The following SORCS2 variants were observed in gnomAD, a reference collection of about 807,000 sequenced individuals.
SORCS2 encodes sortilin related VPS10 domain containing receptor 2.
A neutral mutation model predicts 141.6 loss-of-function variants in SORCS2; 100 were observed. That is an observed-to-expected ratio of 0.71 (90% confidence interval 0.60 to 0.83). The LOEUF is 0.83. Ranked by LOEUF, SORCS2 falls within the 40% of genes least tolerant of loss-of-function variation. The pLI is 0.00. For synonymous variants in SORCS2, 789 were observed against 676.9 expected (o/e 1.17, Z -2.57); for missense variants, 1,646 against 1,560.2 (o/e 1.05, Z -0.93).
Position 7,727,020 on chromosome 4 carries a change from G to T in SORCS2, c.2869+117G>T, listed in dbSNP as rs566743511. The T allele has an allele frequency of 4.4e-5, 58 of 1,324,538 alleles. 2 individuals are homozygous for T. The South Asian group carries it at 7.9e-4, about 18-fold the overall frequency. The allele number at this position is 1,324,538 out of a possible 1,614,324, so 82.0% of individuals were successfully genotyped here. ...TCCTGGTCACCCTGAGTGGCCCTGG[G>T]GTGGGGAGGGAGGGGCTGGATAAAC... On this transcript the variant is annotated intron_variant, in intron 21 of 26. Transcript: ENST00000507866.
chr4:7,400,013 A>G (rs999393940), intron 2 of SORCS2, among the ~76,000 whole-genome samples: 1 of 152,100 alleles, frequency 6.6e-6, no homozygotes, highest in African/African-American at 2.4e-5. Flanking sequence ...CAAGCTCCCG[A>G]GTGCTGCCCA....
At chr4:7,321,423 G>A (rs1718886386) in intron 1 of SORCS2, among the ~76,000 whole-genome samples, 2 of 151,994 alleles carry the variant, frequency 1.3e-5, no homozygotes, top group Admixed American at 1.3e-4. Context: ...ATTCAGTGAA[G>A]TCTCAGGTTA....
At chr4:7,398,045 A>G (rs9997796) in intron 2 of SORCS2, among the ~76,000 whole-genome samples, 28,278 of 152,102 alleles carry the variant, frequency 0.19, 2,902 homozygotes, top group Non-Finnish European at 0.23. Flanking sequence ...TGTGGAGGCA[A>G]TGAGACTGTG....
At chr4:7,236,657 C>T (rs182769420) in intron 1 of SORCS2, among the ~76,000 whole-genome samples, 1 of 152,200 alleles carries the variant, frequency 6.6e-6, no homozygotes, top group African/African-American at 2.4e-5. Flanking sequence ...TCTCGGCTCA[C>T]TACAACTTCT....
chr4:7,683,683 C>T (rs1267709076), intron 10 of SORCS2, among the ~76,000 whole-genome samples: 6 of 152,170 alleles, frequency 3.9e-5, no homozygotes, highest in African/African-American at 1.4e-4. Flanking sequence ...TTCTAATCTG[C>T]CATGGAGGGC....
chr4:7,290,156 G>A (rs565090565), intron 1 of SORCS2, among the ~76,000 whole-genome samples: 1 of 152,304 alleles, frequency 6.6e-6, no homozygotes, highest in East Asian at 1.9e-4. Context: ...GGGGAGGTGG[G>A]TTCACACCAC....
chr4:7,582,607 T>G (rs972875899), intron 3 of SORCS2, among the ~76,000 whole-genome samples: 1 of 152,054 alleles, frequency 6.6e-6, no homozygotes. Flanking sequence ...CTGCAATCTA[T>G]TGAAAGTCAG....
intron 1 of SORCS2, among the ~76,000 whole-genome samples, chr4:7,305,839 G>A (rs1197665969): frequency 1.3e-5 from 2 of 152,268 alleles, no homozygotes; most frequent in East Asian, 1.9e-4. Context: ...TCCCCTCCCC[G>A]ATCATCCCCC....
chr4:7,193,685 C>T lies in SORCS2; in HGVS notation c.480+559C>T, dbSNP rs535092366. Among the ~76,000 whole-genome samples the T allele has an allele frequency of 3.3e-5, 5 of 152,284 alleles. No individual in the cohort carries two copies. The East Asian group carries it at 5.8e-4, about 18-fold the overall frequency. ...CCCCGGGGTACTCTAGTGCGACCCG[C>T]GGCTGTCTTGAGCTCTTGCTGCCGG... On this transcript the variant is annotated intron_variant, in intron 1 of 26. Transcript: ENST00000507866. This position sits in a 1 kb window ranked among gnomAD's most constrained non-coding sequence, Gnocchi z 4.8.
At chr4:7,353,118 G>A (rs1721046120) in intron 1 of SORCS2, among the ~76,000 whole-genome samples, 1 of 152,184 alleles carries the variant, frequency 6.6e-6, no homozygotes, top group South Asian at 2.1e-4. Flanking sequence ...GGGTAGAGGA[G>A]GATGGAGTCA....
rs573108218 is a variant in SORCS2, at chr4:7,323,930, G to T, written c.481-72358G>T. On this transcript the variant is annotated intron_variant, in intron 1 of 26. Coordinates refer to ENST00000507866, the MANE Select transcript of SORCS2 (RefSeq NM_020777.3). ...CACTGGTATACACCACACATCTCAT[G>T]GGAGGGGACGGGGACTAACATTTGC... Among the ~76,000 whole-genome samples the T allele has an allele frequency of 2.6e-5, 4 of 152,328 alleles. No homozygotes were observed. The South Asian group carries it at 8.3e-4, about 32-fold the overall frequency.
chr4:7,434,794 C>A (rs1305390149), intron 2 of SORCS2: 3 of 1,610,596 alleles, frequency 1.9e-6, no homozygotes, highest in East Asian at 2.2e-5. Flanking sequence ...CACCGTGGAG[C>A]CCTTTGCACA....
In SORCS2 at chr4:7,201,482, G is replaced by T. The variant is rs1316416359; in HGVS notation, c.480+8356G>T. ...GATGAGAAGGCAGCCCAGAGCTTGC[G>T]TGGGCCTCTCGGCGTAGCCGTTACT... On this transcript the variant is annotated intron_variant, in intron 1 of 26. Coordinates refer to ENST00000507866, the MANE Select transcript of SORCS2 (RefSeq NM_020777.3). This position sits in a 1 kb window ranked among gnomAD's most constrained non-coding sequence, Gnocchi z 4.4. Among the ~76,000 whole-genome samples, 2 of 152,240 alleles carry T rather than the reference G, an allele frequency of 1.3e-5. No homozygotes were observed. Among genetic ancestry groups the T allele is most frequent in the Non-Finnish European group, 2.9e-5 (2 of 68,048 alleles).
chr4:7,369,252 A>G (rs1368351616), intron 1 of SORCS2, among the ~76,000 whole-genome samples: 2 of 152,202 alleles, frequency 1.3e-5, no homozygotes, highest in Non-Finnish European at 2.9e-5. Flanking sequence ...TGGAGGTTGC[A>G]GTGATCCAAG....
chr4:7,374,255 A>G (rs1722486834), intron 1 of SORCS2, among the ~76,000 whole-genome samples: 1 of 151,388 alleles, frequency 6.6e-6, no homozygotes, highest in South Asian at 2.1e-4. Flanking sequence ...TATAATGACT[A>G]AGGTATTGGA....
intron 2 of SORCS2, among the ~76,000 whole-genome samples, chr4:7,416,362 A>C (rs942409363): frequency 6.6e-6 from 1 of 152,158 alleles, no homozygotes; most frequent in Non-Finnish European, 1.5e-5. Context: ...CCTCCAGGAC[A>C]CAGTTGAGTG....
intron 1 of SORCS2, among the ~76,000 whole-genome samples, chr4:7,370,595 C>T (rs1376773772): frequency 2.0e-5 from 3 of 152,226 alleles, no homozygotes; most frequent in Non-Finnish European, 4.4e-5. Flanking sequence ...CAATGATCTT[C>T]CAAAGAGAAA....
At chr4:7,357,228 C>T (rs1459515926) in intron 1 of SORCS2, among the ~76,000 whole-genome samples, 1 of 152,170 alleles carries the variant, frequency 6.6e-6, no homozygotes, top group African/African-American at 2.4e-5. Context: ...CGGGAGGGAC[C>T]AGCTCAACTC....
rs151329489 is a variant in SORCS2 at position 7,240,156 on chromosome 4, G to A, written c.480+47030G>A. ...TGGGCTGTGATGACCCCGGCCCCAC[G>A]GGGCTGTCGTGATCCCCGAAGGAGA... On this transcript the variant is annotated intron_variant, in intron 1 of 26. Coordinates refer to ENST00000507866, the MANE Select transcript of SORCS2 (RefSeq NM_020777.3). Among the ~76,000 whole-genome samples, 247 of 152,300 alleles carry A rather than the reference G, an allele frequency of 1.6e-3. 1 individual carries two copies. The highest frequency in any genetic ancestry group is 5.5e-3 in the African/African-American group (227 of 41,572).
Sources: allele counts gnomAD v4.1 joint callset (sites outside exome capture counted in the v4.1 genomes callset), GRCh38; gene constraint gnomAD v4.1.1; non-coding constraint Gnocchi (gnomAD v3.1); transcripts MANE v1.5; gene names NCBI Gene and HGNC (gene_info 2026-07-23, HGNC 2026-07-21).